TEX9: variants seen among roughly 807,000 people sequenced by gnomAD.
TEX9 encodes testis expressed 9.
In TEX9, 74 loss-of-function variants were observed where a neutral mutation model predicts 59.6. The observed-to-expected ratio is 1.24, with a 90% confidence interval of 1.03 to 1.51. TEX9 has a LOEUF of 1.51. TEX9 is among the 40% of genes most tolerant of loss of function. The probability of loss-of-function intolerance (pLI) is 0.00; values close to 1 mark genes in which losing one functional copy is unlikely to be tolerated. For synonymous variants in TEX9, 186 were observed against 152.2 expected, an observed-to-expected ratio of 1.22 and a Z score of -1.64; for missense variants, 522 against 447.8, an observed-to-expected ratio of 1.17 and a Z score of -1.49.
chr15:56,435,537 C>T (rs1213566626), intron 12 of TEX9, among the ~76,000 whole-genome samples: 12 of 151,884 alleles, frequency 7.9e-5, no homozygotes, highest in African/African-American at 2.7e-4. Flanking sequence ...AGGAATACTA[C>T]AAATTATTAT....
intron 7 of TEX9, among the ~76,000 whole-genome samples, chr15:56,392,699 T>TA (rs1336105641): frequency 1.3e-5 from 2 of 152,186 alleles, no homozygotes; most frequent in Non-Finnish European, 2.9e-5. Flanking sequence ...TTACTATATT[T>TA]ACTGATCTAA....
At chr15:56,380,894 G>C (rs1179272097) in intron 3 of TEX9, among the ~76,000 whole-genome samples, 2 of 152,068 alleles carry the variant, frequency 1.3e-5, no homozygotes, top group African/African-American at 4.8e-5. Flanking sequence ...AATGCCTTGA[G>C]GCAGTCTTTT....
At position 56,309,693 on chromosome 15, in the gene TEX9, GTTTTTTTTTTTT is replaced by G. The variant is rs60648387; in HGVS notation, c.-106-63728_-106-63717del. Among the ~76,000 whole-genome samples, 240 of 60,802 alleles carry G rather than the reference GTTTTTTTTTTTT, an allele frequency of 3.9e-3. 5 individuals are homozygous for G. The highest frequency in any genetic ancestry group is 0.016 in the African/African-American group (219 of 13,706). The allele number at this position is 60,802 out of a possible 152,430, so 39.9% of individuals were successfully genotyped here. A position where few individuals can be genotyped will look rare whatever the true frequency, so the allele number is the denominator to read the frequency against. On this transcript the variant is annotated intron_variant, in intron 1 of 5. Coordinates refer to the TEX9 transcript ENST00000560827. ...TCTGGGCCTGGGATTTTTATGGGAA[GTTTTTTTTTTTT>G]TTTTTTTTTTTTTTTTTTTAAAGCA... is the stretch of plus-strand genomic sequence containing the variant.
At chr15:56,427,634 T>C in exon 11 of TEX9, 1 of 1,544,520 alleles carries the variant, frequency 6.5e-7, no homozygotes, top group Non-Finnish European at 8.7e-7. Context: ...ACAAAAAAAT[T>C]GAAGTGTTAA....
chr15:56,417,114 A>T (rs2049728949), intron 10 of TEX9, among the ~76,000 whole-genome samples: 1 of 151,550 alleles, frequency 6.6e-6, no homozygotes, highest in South Asian at 2.1e-4. Context: ...TAGTCTACCT[A>T]GTGGCCTATT....
chr15:56,261,076 A>G (rs574986966), intron 1 of TEX9, among the ~76,000 whole-genome samples: 2 of 151,996 alleles, frequency 1.3e-5, no homozygotes, highest in African/African-American at 4.8e-5. Flanking sequence ...CTGTAGGGAT[A>G]TTGCCCTTTG....
chr15:56,408,014 CA>C (rs1377566768), intron 9 of TEX9, among the ~76,000 whole-genome samples: 1 of 152,194 alleles, frequency 6.6e-6, no homozygotes, highest in Non-Finnish European at 1.5e-5. Flanking sequence ...TTACTCTTAT[CA>C]GATTATACTC....
At chr15:56,352,046 GTCTAAAGA>G (rs2046593289) in intron 1 of TEX9, among the ~76,000 whole-genome samples, 1 of 152,120 alleles carries the variant, frequency 6.6e-6, no homozygotes, top group Non-Finnish European at 1.5e-5. Context: ...AAACCTTTTG[GTCTAAAGA>G]TATCCTTGTA....
At chr15:56,247,946 C>T (rs1240214557) in intron 1 of TEX9, among the ~76,000 whole-genome samples, 1 of 152,226 alleles carries the variant, frequency 6.6e-6, no homozygotes, top group East Asian at 1.9e-4. Context: ...TAATGACCTA[C>T]ATGTTATTTA....
At chr15:56,383,851 G>C (rs1198346040) in intron 3 of TEX9, 101 bp from the exon 4 acceptor site, 1 of 811,810 alleles carries the variant, frequency 1.2e-6, no homozygotes, top group African/African-American at 1.7e-5. Flanking sequence ...GGAAACCTTG[G>C]ACAATTCTGA....
chr15:56,436,389 A>C (rs2050725383), intron 12 of TEX9, among the ~76,000 whole-genome samples: 2 of 152,204 alleles, frequency 1.3e-5, no homozygotes, highest in African/African-American at 4.8e-5. Context: ...GCAGAAATAA[A>C]GATGTTCTTT....
chr15:56,365,939 G>A, intron 2 of TEX9: 2 of 1,255,756 alleles, frequency 1.6e-6, no homozygotes, highest in Non-Finnish European at 2.0e-6. Flanking sequence ...TAAACAGCAA[G>A]ATACTGTTGG....
intron 1 of TEX9, among the ~76,000 whole-genome samples, chr15:56,358,506 A>T (rs1280735307): frequency 6.6e-6 from 1 of 152,114 alleles, no homozygotes; most frequent in Non-Finnish European, 1.5e-5. Flanking sequence ...TCGTAGAGAG[A>T]GTTCCCATAT....
intron 10 of TEX9, among the ~76,000 whole-genome samples, chr15:56,419,930 C>G (rs767338945): frequency 1.3e-5 from 2 of 151,854 alleles, no homozygotes; most frequent in Non-Finnish European, 2.9e-5. Flanking sequence ...TTTTATACTT[C>G]AAATTCAATT....
chr15:56,365,375 G>C (rs1297536475), upstream of TEX9: 1 of 1,550,410 alleles, frequency 6.4e-7, no homozygotes, highest in African/African-American at 1.4e-5. Flanking sequence ...GCGCCCGGGC[G>C]GGAGGCAACC....
At chr15:56,435,531 A>C (rs944094805) in intron 12 of TEX9, among the ~76,000 whole-genome samples, 1 of 152,096 alleles carries the variant, frequency 6.6e-6, no homozygotes, top group Non-Finnish European at 1.5e-5. Flanking sequence ...TAATACAGGA[A>C]TACTACAAAT....
At chr15:56,454,607 TAA>T in the TEX9 span, among the ~76,000 whole-genome samples, 1 of 152,178 alleles carries the variant, frequency 6.6e-6, no homozygotes, top group Non-Finnish European at 1.5e-5. Flanking sequence ...TGTTGGATTT[TAA>T]AAGTTTTATT....
intron 1 of TEX9, among the ~76,000 whole-genome samples, chr15:56,266,358 G>A (rs2044381969): frequency 1.3e-5 from 2 of 151,552 alleles, no homozygotes; most frequent in Admixed American, 6.6e-5. Context: ...TAAGTTCTAG[G>A]GTACATGTGC....
At chr15:56,318,539 T>C (rs1175456324) in intron 1 of TEX9, among the ~76,000 whole-genome samples, 1 of 152,154 alleles carries the variant, frequency 6.6e-6, no homozygotes, top group East Asian at 1.9e-4. Context: ...ACTGATGAGG[T>C]AAGATTTATG....
Sources: gnomAD v4.1 joint callset for allele counts (sites outside exome capture counted in the v4.1 genomes callset) on GRCh38, gnomAD v4.1.1 for gene constraint, MANE v1.5 for transcripts, NCBI Gene and HGNC (gene_info 2026-07-23, HGNC 2026-07-21) for gene names.